Variants in CNTN4 observed in about 807,000 individuals in gnomAD.
The protein encoded by CNTN4 is contactin 4.
Under a neutral mutation model 122.5 loss-of-function variants are expected in CNTN4, and 77 were observed. That is an observed-to-expected ratio of 0.63 (90% confidence interval 0.52 to 0.76). The LOEUF is 0.76. CNTN4 is among the 30% of genes least tolerant of loss of function. CNTN4 has a pLI of 0.00. For missense variants in CNTN4, 1,256 were observed against 1,259.1 expected (o/e 1.00, Z 0.04); for synonymous variants, 512 against 447.0 (o/e 1.15, Z -1.83).
At chr3:2,182,693 A>C (rs2149289794) in intron 2 of CNTN4, among the ~76,000 whole-genome samples, 1 of 152,284 alleles carries the variant, frequency 6.6e-6, no homozygotes, top group African/African-American at 2.4e-5. Flanking sequence ...TAATAAAGTA[A>C]AATATGTCTT....
intron 2 of CNTN4, among the ~76,000 whole-genome samples, chr3:2,138,901 C>T (rs916458781): frequency 3.9e-5 from 6 of 152,272 alleles, no homozygotes; most frequent in Non-Finnish European, 4.4e-5. Context: ...CTGGATATAT[C>T]GCCTATGGGT....
chr3:2,399,260 T>C (rs1207516184), intron 3 of CNTN4, among the ~76,000 whole-genome samples: 2 of 152,094 alleles, frequency 1.3e-5, no homozygotes, highest in Admixed American at 6.6e-5. Context: ...TGGTAAGCCA[T>C]AGTAAGCATG....
At chr3:2,856,800 T>C (rs6442760) in intron 7 of CNTN4, among the ~76,000 whole-genome samples, 131,045 of 152,226 alleles carry the variant, frequency 0.86, 56,434 homozygotes, top group East Asian at 0.96. Context: ...AAAGCTAAAA[T>C]TAAGTAACTT....
At chr3:2,840,058 C>T (rs1007172341) in intron 7 of CNTN4, among the ~76,000 whole-genome samples, 4 of 152,140 alleles carry the variant, frequency 2.6e-5, no homozygotes, top group African/African-American at 4.8e-5. Flanking sequence ...CCAAAATCCC[C>T]AGGTCAAGCC....
At chr3:2,436,347 A>G (rs1433594496) in intron 3 of CNTN4, among the ~76,000 whole-genome samples, 1 of 152,136 alleles carries the variant, frequency 6.6e-6, no homozygotes, top group African/African-American at 2.4e-5. Flanking sequence ...AAGCATAAGT[A>G]AATGAGACAG....
intron 23 of CNTN4, among the ~76,000 whole-genome samples, chr3:3,045,374 C>A (rs1050505915): frequency 6.6e-6 from 1 of 152,194 alleles, no homozygotes; most frequent in Non-Finnish European, 1.5e-5. Context: ...CTGGGAGGTA[C>A]CCCCCAGTAG....
intron 13 of CNTN4, among the ~76,000 whole-genome samples, chr3:2,968,301 C>G (rs1692535961): frequency 6.6e-6 from 1 of 152,042 alleles, no homozygotes; most frequent in South Asian, 2.1e-4. Context: ...GGATGTATGC[C>G]TAAACAGCCA....
chr3:2,120,074 G>C (rs1420435277), intron 2 of CNTN4, among the ~76,000 whole-genome samples: 1 of 151,854 alleles, frequency 6.6e-6, no homozygotes, highest in East Asian at 1.9e-4. Context: ...CAGCATGTAA[G>C]GGGCAGTAGG....
At chr3:2,741,669 A>G (rs2089464692) in intron 5 of CNTN4, among the ~76,000 whole-genome samples, 1 of 152,202 alleles carries the variant, frequency 6.6e-6, no homozygotes, top group Non-Finnish European at 1.5e-5. Flanking sequence ...TGTTAGGTAC[A>G]CACATGATGA....
chr3:2,389,101 C>CA (rs1298425321), intron 3 of CNTN4, among the ~76,000 whole-genome samples: 1 of 151,888 alleles, frequency 6.6e-6, no homozygotes, highest in Non-Finnish European at 1.5e-5. Flanking sequence ...GGGGAGGTTG[C>CA]AGTGAGCTGA....
At chr3:2,557,526 G>A (rs1269388504) in intron 3 of CNTN4, among the ~76,000 whole-genome samples, 1 of 152,152 alleles carries the variant, frequency 6.6e-6, no homozygotes, top group Non-Finnish European at 1.5e-5. Context: ...AGGAGATCGA[G>A]ACCATCCTGG....
chr3:2,328,420 TAAAA>T (rs924340605), intron 2 of CNTN4, among the ~76,000 whole-genome samples: 8 of 152,118 alleles, frequency 5.3e-5, no homozygotes, highest in African/African-American at 1.7e-4. Flanking sequence ...AATAAAAAAA[TAAAA>T]AACACAGTTT....
At chr3:2,609,745 C>A (rs1186240676) in intron 4 of CNTN4, among the ~76,000 whole-genome samples, 2 of 152,008 alleles carry the variant, frequency 1.3e-5, no homozygotes, top group African/African-American at 4.8e-5. Flanking sequence ...TTGGGTAGCA[C>A]CAAAGTCACC....
intron 2 of CNTN4, among the ~76,000 whole-genome samples, chr3:2,176,470 A>T (rs1488520819): frequency 6.6e-6 from 1 of 152,130 alleles, no homozygotes; most frequent in Admixed American, 6.6e-5. Context: ...CCAGCATGGA[A>T]AACCCATGGC....
At chr3:2,348,382 T>C (rs185298361) in intron 3 of CNTN4, among the ~76,000 whole-genome samples, 5 of 152,312 alleles carry the variant, frequency 3.3e-5, no homozygotes, top group Admixed American at 6.5e-5. Flanking sequence ...GTGTTTTATA[T>C]AGGGACTTTA....
At chr3:2,728,206 C>G (rs146275537) in intron 4 of CNTN4, among the ~76,000 whole-genome samples, 1 of 152,304 alleles carries the variant, frequency 6.6e-6, no homozygotes, top group East Asian at 1.9e-4. Context: ...ATCACTCTTA[C>G]AGTATTTCAT....
At chr3:2,786,975 GC>G (rs2149925756) in intron 6 of CNTN4, among the ~76,000 whole-genome samples, 1 of 152,162 alleles carries the variant, frequency 6.6e-6, no homozygotes, top group South Asian at 2.1e-4. Context: ...TTGTTTCTTG[GC>G]ACTCATTCAT....
chr3:2,496,699 A>C (rs1391570468), intron 3 of CNTN4, among the ~76,000 whole-genome samples: 1 of 152,200 alleles, frequency 6.6e-6, no homozygotes, highest in Non-Finnish European at 1.5e-5. Context: ...CCTTTTCCAA[A>C]GTCACTAAGG....
At position 2,827,053 on chromosome 3, in the gene CNTN4, G is replaced by A. The variant is rs552383284; in HGVS notation, c.454+7472G>A. 2.0e-5 allele frequency among the ~76,000 whole-genome samples: 3 copies of A among 152,228 alleles called. No individual in the cohort carries two copies. In the South Asian group the frequency reaches 6.2e-4, roughly 32 times the overall value. ...GCATTCTAAGTATTGCTTAAGTCTAGGAAGTCTAGTTACTGGGCCCCACGC... is the reference window on the plus strand; with the variant it reads ...GCATTCTAAGTATTGCTTAAGTCTAAGAAGTCTAGTTACTGGGCCCCACGC... On this transcript the variant is annotated intron_variant, in intron 7 of 24. Coordinates refer to ENST00000418658, the MANE Select transcript of CNTN4 (RefSeq NM_175607.3).
Sources: gnomAD v4.1 joint callset for allele counts (sites outside exome capture counted in the v4.1 genomes callset) on GRCh38, gnomAD v4.1.1 for gene constraint, MANE v1.5 for transcripts, NCBI Gene and HGNC (gene_info 2026-07-23, HGNC 2026-07-21) for gene names.